The following FHOD3 variants were observed in gnomAD, a reference collection of about 807,000 sequenced individuals.
FHOD3 encodes FH1/FH2 domain-containing protein 3.
In FHOD3, 90 loss-of-function variants were observed where a neutral mutation model predicts 173.0. That is an observed-to-expected ratio of 0.52 (90% CI 0.44 to 0.62). FHOD3 has a LOEUF of 0.62. Among genes scored for constraint, FHOD3 ranks in the 20% least tolerant of loss-of-function variants. The pLI, the probability that FHOD3 is intolerant of heterozygous loss-of-function variation, is 0.00. For missense variants in FHOD3, 1,945 were observed against 2,034.7 expected, an observed-to-expected ratio of 0.96 and a Z score of 0.85; for synonymous variants, 828 against 823.0, an observed-to-expected ratio of 1.01 and a Z score of -0.10.
At chr18:36,451,389 T>A (rs566174884) in intron 3 of FHOD3, among the ~76,000 whole-genome samples, 1 of 152,340 alleles carries the variant, frequency 6.6e-6, no homozygotes, top group East Asian at 1.9e-4. Context: ...AAGCATCCAA[T>A]GGCCAAAAGT....
intron 3 of FHOD3, among the ~76,000 whole-genome samples, chr18:36,391,209 G>A (rs1359791356): frequency 1.3e-5 from 2 of 152,174 alleles, no homozygotes; most frequent in East Asian, 1.9e-4. Context: ...TTTGCTGAAG[G>A]GTCAGAGACA....
chr18:36,581,003 A>T (rs2148085181), intron 6 of FHOD3, among the ~76,000 whole-genome samples: 1 of 152,346 alleles, frequency 6.6e-6, no homozygotes, highest in Non-Finnish European at 1.5e-5. Context: ...TTTTTCTTCC[A>T]TGAAAGGCAA....
intron 3 of FHOD3, among the ~76,000 whole-genome samples, chr18:36,409,981 G>A (rs1302396551): frequency 6.6e-6 from 1 of 152,220 alleles, no homozygotes; most frequent in Non-Finnish European, 1.5e-5. Context: ...ATGATGCTGT[G>A]AACCTCCCGG....
At chr18:36,359,664 C>T (rs2046517583) in intron 2 of FHOD3, among the ~76,000 whole-genome samples, 2 of 152,168 alleles carry the variant, frequency 1.3e-5, no homozygotes, top group African/African-American at 4.8e-5. Context: ...GGGTCTCTGG[C>T]ACCTGAGGAG....
chr18:36,468,493 G>C (rs2053082552), intron 3 of FHOD3, among the ~76,000 whole-genome samples: 1 of 152,150 alleles, frequency 6.6e-6, no homozygotes, highest in South Asian at 2.1e-4. Flanking sequence ...AGTCTGCCGT[G>C]GGCGAGGGAG....
chr18:36,443,632 C>T (rs962561546), intron 3 of FHOD3, among the ~76,000 whole-genome samples: 25 of 152,140 alleles, frequency 1.6e-4, no homozygotes, highest in Non-Finnish European at 2.4e-4. Flanking sequence ...TAATGGAGAA[C>T]GGTGTTTAGA....
intron 15 of FHOD3, among the ~76,000 whole-genome samples, chr18:36,681,786 T>C (rs1227822786): frequency 6.6e-6 from 1 of 152,184 alleles, no homozygotes; most frequent in African/African-American, 2.4e-5. Context: ...GTCAGCCAAA[T>C]ACAATTAGGG....
chr18:36,508,931 G>A (rs1202478818), intron 4 of FHOD3, among the ~76,000 whole-genome samples: 4 of 152,124 alleles, frequency 2.6e-5, no homozygotes, highest in Non-Finnish European at 4.4e-5. Flanking sequence ...ATTCAGCTAG[G>A]TATTACATGC....
At chr18:36,716,157 G>A (rs1017195709) in intron 18 of FHOD3, among the ~76,000 whole-genome samples, 1 of 152,250 alleles carries the variant, frequency 6.6e-6, no homozygotes, top group Non-Finnish European at 1.5e-5. Flanking sequence ...TAAACATCAT[G>A]TGGCTGTTGG....
At chr18:36,353,098 G>A (rs2145719861) in intron 1 of FHOD3, among the ~76,000 whole-genome samples, 1 of 152,350 alleles carries the variant, frequency 6.6e-6, no homozygotes, top group African/African-American at 2.4e-5. Context: ...GCACACCTTT[G>A]ACACTACAGT....
chr18:36,587,735 G>A (rs2059083765), intron 6 of FHOD3, among the ~76,000 whole-genome samples: 1 of 152,104 alleles, frequency 6.6e-6, no homozygotes, highest in Non-Finnish European at 1.5e-5. Context: ...AGGTTGCTGT[G>A]AGCTGAGATC....
rs200680567 is a variant in FHOD3, at chr18:36,662,946, T to C, written c.1835+4758T>C. ...TTTAGATGCCTCATATGAGGGTCAT[T>C]GAGTTGTTTTTTCTCATTGTATTAT... On this transcript the variant is annotated intron_variant, in intron 14 of 28. Coordinates refer to ENST00000590592, the MANE Select transcript of FHOD3 (RefSeq NM_001281740.3). Among the ~76,000 whole-genome samples the C allele has an allele frequency of 1.5e-4, 23 of 152,312 alleles. No individual in the cohort carries two copies. The East Asian group carries it at 4.0e-3, about 27-fold the overall frequency.
At chr18:36,433,053 T>C (rs547257123) in intron 3 of FHOD3, among the ~76,000 whole-genome samples, 1 of 152,240 alleles carries the variant, frequency 6.6e-6, no homozygotes, top group East Asian at 1.9e-4. Flanking sequence ...TCTTTCAGAG[T>C]CTCTCTTAAT....
At chr18:36,624,993 G>A (rs922702311) in intron 9 of FHOD3, among the ~76,000 whole-genome samples, 1 of 152,290 alleles carries the variant, frequency 6.6e-6, no homozygotes, top group African/African-American at 2.4e-5. Flanking sequence ...TGTGGCACTA[G>A]TCCTCTTAGA....
At chr18:36,753,441 C>T (rs1295502272) in intron 24 of FHOD3, among the ~76,000 whole-genome samples, 2 of 152,224 alleles carry the variant, frequency 1.3e-5, no homozygotes, top group African/African-American at 2.4e-5. Flanking sequence ...TATATCCATC[C>T]AATGCTATAC....
chr18:36,528,276 CTG>C (rs1426563572), intron 5 of FHOD3, among the ~76,000 whole-genome samples: 1 of 152,130 alleles, frequency 6.6e-6, no homozygotes, highest in African/African-American at 2.4e-5. Flanking sequence ...CAGAGGCTGT[CTG>C]TGCATGTGTG....
In FHOD3 at chr18:36,695,664, A is replaced by G. The variant is rs118089612; in HGVS notation, c.2236+2241A>G. Among the ~76,000 whole-genome samples the G allele has an allele frequency of 5.3e-5, 8 of 152,344 alleles. No individual in the cohort carries two copies. The East Asian group carries it at 1.5e-3, about 29-fold the overall frequency. Reference sequence around the variant, plus strand: ...CCTTGTCCTGATATGTAATTGATTTATAAAATTGGACATCGCAAGTGTATG... The same window carrying G: ...CCTTGTCCTGATATGTAATTGATTTGTAAAATTGGACATCGCAAGTGTATG... On this transcript the variant is annotated intron_variant, in intron 17 of 28. Transcript: ENST00000590592.
At chr18:36,454,402 C>T (rs1168112398) in intron 3 of FHOD3, among the ~76,000 whole-genome samples, 1 of 152,182 alleles carries the variant, frequency 6.6e-6, no homozygotes, top group Non-Finnish European at 1.5e-5. Flanking sequence ...TACACACAGG[C>T]ATTCATCACC....
chr18:36,548,354 T>C (rs1266242888), intron 5 of FHOD3, among the ~76,000 whole-genome samples: 2 of 152,226 alleles, frequency 1.3e-5, no homozygotes, highest in African/African-American at 4.8e-5. Context: ...AGGGGACTTA[T>C]TTTTCTCTTT....
Sources: gnomAD v4.1 joint callset for allele counts (sites outside exome capture counted in the v4.1 genomes callset) on GRCh38, gnomAD v4.1.1 for gene constraint, MANE v1.5 for transcripts, NCBI Gene and HGNC (gene_info 2026-07-23, HGNC 2026-07-21) for gene names.